Variants in EPHA6 observed in about 807,000 individuals in gnomAD.
EPHA6 encodes ephrin type-A receptor 6.
EPHA6 carries 50 observed loss-of-function variants against 112.0 expected under a neutral mutation model. The ratio of observed to expected loss-of-function variants is 0.45; its 90% CI spans 0.36 to 0.56. The LOEUF (loss-of-function observed/expected upper bound fraction) is 0.56, where lower values mean the gene tolerates loss of function less well. Among genes scored for constraint, EPHA6 ranks in the 20% least tolerant of loss-of-function variants. The probability of loss-of-function intolerance (pLI) is 0.00; values close to 1 mark genes in which losing one functional copy is unlikely to be tolerated. For synonymous variants in EPHA6, 529 were observed against 490.7 expected, an observed-to-expected ratio of 1.08 and a Z score of -1.03; for missense variants, 1,280 against 1,417.4, an observed-to-expected ratio of 0.90 and a Z score of 1.56.
chr3:97,550,256 C>G (rs577445274), intron 11 of EPHA6, among the ~76,000 whole-genome samples: 1 of 152,336 alleles, frequency 6.6e-6, no homozygotes, highest in Non-Finnish European at 1.5e-5. Flanking sequence ...TAAGCACAGA[C>G]ATCCATTTTA....
At chr3:97,380,883 A>C (rs1687889286) in intron 5 of EPHA6, among the ~76,000 whole-genome samples, 1 of 152,130 alleles carries the variant, frequency 6.6e-6, no homozygotes, top group Non-Finnish European at 1.5e-5. Flanking sequence ...ACAATTTCAA[A>C]GAGCATTATC....
chr3:97,170,921 G>T (rs2076682774), intron 3 of EPHA6, among the ~76,000 whole-genome samples: 1 of 152,220 alleles, frequency 6.6e-6, no homozygotes, highest in African/African-American at 2.4e-5. Flanking sequence ...GTATGTTGAG[G>T]ATATTGTAAG....
intron 11 of EPHA6, among the ~76,000 whole-genome samples, chr3:97,568,536 C>T (rs974025817): frequency 3.3e-5 from 5 of 152,226 alleles, no homozygotes; most frequent in African/African-American, 7.2e-5. Flanking sequence ...AAACCATCTA[C>T]AGCTCTCAGA....
chr3:97,348,484 GT>G (rs942438882), intron 5 of EPHA6, among the ~76,000 whole-genome samples: 12 of 148,982 alleles, frequency 8.1e-5, no homozygotes, highest in South Asian at 6.4e-4. Context: ...AGATGGAGTA[GT>G]TTTTTTTTTA....
intron 4 of EPHA6, 79 bp downstream of exon 4, chr3:97,226,498 A>G (rs2078360224): frequency 7.6e-7 from 1 of 1,317,340 alleles, no homozygotes; most frequent in Admixed American, 2.3e-5. Context: ...AAAAATAAGT[A>G]AATGTACAAA....
At chr3:97,026,121 ATTT>A (rs3038599) in intron 3 of EPHA6, among the ~76,000 whole-genome samples, 3,435 of 115,964 alleles carry the variant, frequency 0.03, 123 homozygotes, top group African/African-American at 0.086. Flanking sequence ...TATGTGTCTG[ATTT>A]TTTTTTTTTT....
chr3:97,196,379 C>A (rs560763689), intron 3 of EPHA6, among the ~76,000 whole-genome samples: 36 of 152,076 alleles, frequency 2.4e-4, no homozygotes, highest in African/African-American at 7.2e-4. Context: ...ATTCTGAATT[C>A]TTTCCCTGTG....
intron 3 of EPHA6, among the ~76,000 whole-genome samples, chr3:97,017,559 G>C (rs1346342686): frequency 3.2e-4 from 48 of 152,188 alleles, no homozygotes; most frequent in Admixed American, 3.1e-3. Flanking sequence ...ACTTCTAGGT[G>C]AATCTAGGGC....
chr3:97,493,823 A>G (rs1398671572), intron 10 of EPHA6, among the ~76,000 whole-genome samples: 1 of 152,182 alleles, frequency 6.6e-6, no homozygotes, highest in Non-Finnish European at 1.5e-5. Flanking sequence ...TTAGGCTGAG[A>G]GCTAAAGCAA....
intron 14 of EPHA6, among the ~76,000 whole-genome samples, chr3:97,698,995 A>G (rs1033145999): frequency 2.0e-5 from 3 of 152,236 alleles, no homozygotes; most frequent in African/African-American, 7.2e-5. Flanking sequence ...TTACACAACC[A>G]GTAAGGAAAA....
chr3:97,164,639 T>G (rs1259437672), intron 3 of EPHA6, among the ~76,000 whole-genome samples: 3 of 152,112 alleles, frequency 2.0e-5, no homozygotes, highest in Non-Finnish European at 2.9e-5. Context: ...TATCTTCAAA[T>G]AACTGGTGTT....
chr3:97,757,735 T>C lies in EPHA6; in HGVS notation c.*9034T>C, dbSNP rs13078400. On this transcript the variant is annotated 3_prime_UTR_variant, in exon 18 of 18. Coordinates refer to ENST00000389672, the MANE Select transcript of EPHA6 (RefSeq NM_001080448.3). The stretch of plus-strand genomic sequence containing the variant: ...AAACATAGTACTTACATATTAATTT[T>C]ATGTGATATAATATGTTTTGATCTC... Among the ~76,000 whole-genome samples the C allele has an allele frequency of 6.6e-6, 1 of 151,894 alleles. No individual in the cohort carries two copies. The highest frequency in any genetic ancestry group is 1.5e-5 in the Non-Finnish European group (1 of 67,780).
At chr3:97,708,302 G>C (rs1182850409) in intron 14 of EPHA6, among the ~76,000 whole-genome samples, 1 of 152,214 alleles carries the variant, frequency 6.6e-6, no homozygotes, top group Non-Finnish European at 1.5e-5. Context: ...AGAGACCACT[G>C]ACATTTTGCC....
At chr3:97,649,805 T>C (rs1453407312) in intron 14 of EPHA6, among the ~76,000 whole-genome samples, 1 of 151,512 alleles carries the variant, frequency 6.6e-6, no homozygotes, top group Non-Finnish European at 1.5e-5. Context: ...AATAGTTCTA[T>C]GATAGATGCT....
intron 14 of EPHA6, among the ~76,000 whole-genome samples, chr3:97,654,554 G>A (rs1263404041): frequency 2.0e-5 from 3 of 151,842 alleles, no homozygotes; most frequent in Non-Finnish European, 4.4e-5. Context: ...GAAAGACATG[G>A]CCAGTAAATA....
At chr3:97,350,309 A>G (rs2108890697) in intron 5 of EPHA6, among the ~76,000 whole-genome samples, 1 of 152,194 alleles carries the variant, frequency 6.6e-6, no homozygotes, top group South Asian at 2.1e-4. Context: ...GGAAGATTGT[A>G]AAGGTTGTTA....
At chr3:97,345,623 C>T (rs2083496021) in intron 5 of EPHA6, among the ~76,000 whole-genome samples, 1 of 145,594 alleles carries the variant, frequency 6.9e-6, no homozygotes, top group African/African-American at 2.8e-5. Flanking sequence ...ATTTCAATAT[C>T]CCTGTGAATG....
intron 5 of EPHA6, among the ~76,000 whole-genome samples, chr3:97,372,203 G>C (rs911595328): frequency 6.6e-6 from 1 of 152,038 alleles, no homozygotes; most frequent in African/African-American, 2.4e-5. Flanking sequence ...CTGCCAACAT[G>C]TGATGTCTCC....
intron 10 of EPHA6, among the ~76,000 whole-genome samples, chr3:97,515,764 A>C (rs2092438053): frequency 6.6e-6 from 1 of 152,144 alleles, no homozygotes; most frequent in African/African-American, 2.4e-5. Flanking sequence ...GAAAAATTTA[A>C]TCTCCTTGAG....
Sources: gnomAD v4.1 joint callset for allele counts (sites outside exome capture counted in the v4.1 genomes callset) on GRCh38, gnomAD v4.1.1 for gene constraint, MANE v1.5 for transcripts, NCBI Gene and HGNC (gene_info 2026-07-23, HGNC 2026-07-21) for gene names.